Variants in SORCS1 observed in about 807,000 individuals in gnomAD.
The protein encoded by SORCS1 is VPS10 domain-containing receptor SorCS1.
In SORCS1, 60 loss-of-function variants were observed where a neutral mutation model predicts 146.1. That is an observed-to-expected ratio of 0.41 (90% CI 0.33 to 0.51). The LOEUF (loss-of-function observed/expected upper bound fraction) is 0.51. Ranked by LOEUF, SORCS1 falls within the 20% of genes least tolerant of loss-of-function variation. The pLI, the probability that SORCS1 is intolerant of heterozygous loss-of-function variation, is 0.21. For synonymous variants in SORCS1, 637 were observed against 584.0 expected (o/e 1.09, Z -1.31); for missense variants, 1,352 against 1,487.6 (o/e 0.91, Z 1.50).
chr10:106,939,780 C>T (rs996804509), intron 2 of SORCS1, among the ~76,000 whole-genome samples: 2 of 152,210 alleles, frequency 1.3e-5, no homozygotes, highest in African/African-American at 2.4e-5. Context: ...TACTGTATTT[C>T]GGAAACTTCA....
At chr10:106,959,183 C>T (rs777222177) in intron 1 of SORCS1, among the ~76,000 whole-genome samples, 14 of 152,106 alleles carry the variant, frequency 9.2e-5, no homozygotes, top group Non-Finnish European at 1.6e-4. Context: ...AGGTAGAAAC[C>T]GCTCCCTGCC....
At chr10:107,091,059 A>G (rs972270931) in intron 1 of SORCS1, among the ~76,000 whole-genome samples, 3 of 152,224 alleles carry the variant, frequency 2.0e-5, no homozygotes, top group African/African-American at 4.8e-5. Flanking sequence ...GAAAAAGTAA[A>G]AGCGAGGGAG....
chr10:107,070,736 A>G (rs1962348594), intron 1 of SORCS1, among the ~76,000 whole-genome samples: 1 of 151,864 alleles, frequency 6.6e-6, no homozygotes. Flanking sequence ...AAATTTCAAA[A>G]AGCAAAAATT....
chr10:106,584,183 A>G (rs1845085270), intron 24 of SORCS1, among the ~76,000 whole-genome samples: 2 of 152,228 alleles, frequency 1.3e-5, no homozygotes, highest in Admixed American at 1.3e-4. Context: ...AATAGCACAG[A>G]GAAAGTTTAT....
chr10:106,944,871 CTTCTTTTTTTT>C (rs1367827580), intron 2 of SORCS1, among the ~76,000 whole-genome samples: 1,908 of 60,984 alleles, frequency 0.031, 173 homozygotes, highest in African/African-American at 0.066. Context: ...AAGAAAGAGC[CTTCTTTTTTTT>C]TTTTTTTTTT....
chr10:106,617,775 A>G (rs937519958), intron 21 of SORCS1, among the ~76,000 whole-genome samples: 1 of 147,010 alleles, frequency 6.8e-6, no homozygotes, highest in Non-Finnish European at 1.5e-5. Context: ...TTATTAGTCA[A>G]GAATTTTAAA....
intron 18 of SORCS1, among the ~76,000 whole-genome samples, chr10:106,644,821 T>G (rs1849305460): frequency 6.6e-6 from 1 of 152,244 alleles, no homozygotes; most frequent in Non-Finnish European, 1.5e-5. Flanking sequence ...TTTTCATTGC[T>G]GTATGACATT....
chr10:107,051,271 A>C (rs1486677331), intron 1 of SORCS1, among the ~76,000 whole-genome samples: 1 of 152,168 alleles, frequency 6.6e-6, no homozygotes, highest in African/African-American at 2.4e-5. Flanking sequence ...CCTAAAGTTG[A>C]TGTAATACTT....
chr10:107,152,498 G>A (rs1968896880), intron 1 of SORCS1, among the ~76,000 whole-genome samples: 1 of 152,152 alleles, frequency 6.6e-6, no homozygotes, highest in Admixed American at 6.5e-5. Flanking sequence ...AGCCTGGATG[G>A]GGACCCCACA....
At chr10:107,055,539 T>C (rs1205032402) in intron 1 of SORCS1, among the ~76,000 whole-genome samples, 2 of 152,196 alleles carry the variant, frequency 1.3e-5, no homozygotes, top group African/African-American at 4.8e-5. Context: ...CAGAAAATAT[T>C]GCTCTGGGCA....
At chr10:106,620,207 T>C (rs1244487802) in intron 20 of SORCS1, 4 of 467,744 alleles carry the variant, frequency 8.6e-6, no homozygotes, top group South Asian at 4.2e-5. Flanking sequence ...AACGTAAACA[T>C]AGAGGAAGGC....
At chr10:106,810,027 C>T (rs1167250478) in intron 3 of SORCS1, among the ~76,000 whole-genome samples, 1 of 152,162 alleles carries the variant, frequency 6.6e-6, no homozygotes, top group Non-Finnish European at 1.5e-5. Context: ...TCAAGACCAG[C>T]CTGGCCAACA....
At chr10:106,851,287 GT>G (rs1212837389) in intron 2 of SORCS1, among the ~76,000 whole-genome samples, 1 of 152,046 alleles carries the variant, frequency 6.6e-6, no homozygotes, top group Non-Finnish European at 1.5e-5. Context: ...GGTCATTTAG[GT>G]TTTCTCCTAG....
Position 107,002,702 on chromosome 10 carries a change from G to A in SORCS1, c.559-46122C>T, listed in dbSNP as rs74886200. ...CCAGGCTGCATTCCACACAGAGAAT[G>A]TCGTATGTGTCCACCAAGAGGCAAC... is the stretch of plus-strand genomic sequence containing the variant. On this transcript the variant is annotated intron_variant, in intron 1 of 25. Transcript: ENST00000263054. 1.5e-3 allele frequency among the ~76,000 whole-genome samples: 229 copies of A among 152,268 alleles called. 2 individuals are homozygous for A. Among genetic ancestry groups the A allele is most frequent in the African/African-American group, 5.3e-3 (220 of 41,554 alleles).
At chr10:106,633,162 C>T (rs1347956563) in intron 18 of SORCS1, among the ~76,000 whole-genome samples, 1 of 152,070 alleles carries the variant, frequency 6.6e-6, no homozygotes, top group Non-Finnish European at 1.5e-5. Context: ...AAGTGTTTTA[C>T]TTTTTAAATG....
intron 4 of SORCS1, among the ~76,000 whole-genome samples, chr10:106,771,510 C>A (rs1860021206): frequency 6.6e-6 from 1 of 152,310 alleles, no homozygotes; most frequent in East Asian, 1.9e-4. Context: ...CTTATCTGCT[C>A]AGTTTCCAAA....
intron 16 of SORCS1, 82 bp downstream of exon 16, chr10:106,671,155 T>C: frequency 6.3e-7 from 1 of 1,579,572 alleles, no homozygotes; most frequent in Non-Finnish European, 8.6e-7. Context: ...TATGTTACTA[T>C]TATTTCAATT....
intron 1 of SORCS1, among the ~76,000 whole-genome samples, chr10:107,122,547 T>A (rs1465012774): frequency 6.6e-6 from 1 of 152,238 alleles, no homozygotes; most frequent in Non-Finnish European, 1.5e-5. Flanking sequence ...TAATCTTAAA[T>A]GATGCATATA....
At chr10:107,049,573 G>A (rs17121988) in intron 1 of SORCS1, among the ~76,000 whole-genome samples, 1,625 of 152,112 alleles carry the variant, frequency 0.011, 15 homozygotes, top group South Asian at 0.029. Context: ...TTCTATTACT[G>A]GGAAACTCCA....
Sources: allele counts gnomAD v4.1 joint callset (sites outside exome capture counted in the v4.1 genomes callset), GRCh38; gene constraint gnomAD v4.1.1; transcripts MANE v1.5; gene names NCBI Gene and HGNC (gene_info 2026-07-23, HGNC 2026-07-21).